PTPRM: variants seen among roughly 807,000 people sequenced by gnomAD.
PTPRM encodes protein tyrosine phosphatase receptor type M.
In PTPRM, 47 loss-of-function variants were observed where a neutral mutation model predicts 186.7. The observed-to-expected ratio is 0.25, with a 90% CI of 0.20 to 0.32. The LOEUF is 0.32. Among genes scored for constraint, PTPRM ranks in the 10% least tolerant of loss-of-function variants. The probability of loss-of-function intolerance (pLI) is 1.00; values close to 1 mark genes in which losing one functional copy is unlikely to be tolerated. For missense variants in PTPRM, 1,494 were observed against 1,865.0 expected, an observed-to-expected ratio of 0.80 and a Z score of 3.66; for synonymous variants, 668 against 674.9, an observed-to-expected ratio of 0.99 and a Z score of 0.16.
At chr18:8,012,858 T>C (rs972969350) in intron 7 of PTPRM, among the ~76,000 whole-genome samples, 2 of 152,180 alleles carry the variant, frequency 1.3e-5, no homozygotes, top group African/African-American at 2.4e-5. Context: ...AAATGAAGTG[T>C]ATTTTTTTTT....
chr18:8,141,706 C>T (rs921383369), intron 13 of PTPRM, among the ~76,000 whole-genome samples: 1 of 152,150 alleles, frequency 6.6e-6, no homozygotes, highest in Non-Finnish European at 1.5e-5. Context: ...CATACCTTAA[C>T]TCATCTATTT....
chr18:7,688,838 G>A lies in PTPRM; in HGVS notation c.74-85311G>A, dbSNP rs574225017. Among the ~76,000 whole-genome samples the A allele has an allele frequency of 5.4e-4, 82 of 152,182 alleles. 2 individuals carry two copies. The highest frequency in any genetic ancestry group is 1.4e-3 in the Admixed American group (22 of 15,270). ...GGAAGATTTATGAGACAGAGCTGCT[G>A]TCTGGATATCCCTTAGAAGGAGACA... On this transcript the variant is annotated intron_variant, in intron 1 of 32. Coordinates refer to ENST00000580170, the MANE Select transcript of PTPRM (RefSeq NM_001105244.2).
intron 3 of PTPRM, among the ~76,000 whole-genome samples, chr18:7,904,181 G>A (rs556329771): frequency 1.3e-5 from 2 of 152,214 alleles, no homozygotes; most frequent in Admixed American, 1.3e-4. Context: ...ACATGCAGTA[G>A]TAAGAAAAAA....
chr18:8,310,246 A>G (rs1282452999), intron 20 of PTPRM, among the ~76,000 whole-genome samples: 1 of 151,808 alleles, frequency 6.6e-6, no homozygotes, highest in Non-Finnish European at 1.5e-5. Context: ...TTGATCCCCT[A>G]GGACTCTTGC....
chr18:8,025,713 G>T (rs1443158586), intron 7 of PTPRM, among the ~76,000 whole-genome samples: 1 of 152,162 alleles, frequency 6.6e-6, no homozygotes, highest in Non-Finnish European at 1.5e-5. Context: ...AAAACCTGAG[G>T]TCAAAGATTT....
At chr18:8,087,848 C>T (rs1212687251) in intron 10 of PTPRM, among the ~76,000 whole-genome samples, 4 of 152,144 alleles carry the variant, frequency 2.6e-5, no homozygotes, top group Non-Finnish European at 5.9e-5. Flanking sequence ...TCAGGAGTCT[C>T]TACCAGTGGG....
chr18:8,138,838 C>T (rs930278166), intron 13 of PTPRM, among the ~76,000 whole-genome samples: 10 of 152,098 alleles, frequency 6.6e-5, no homozygotes, highest in African/African-American at 2.2e-4. Context: ...GTCATTTCTC[C>T]CATCTTAAGA....
chr18:7,844,626 A>C (rs568324024), intron 2 of PTPRM, among the ~76,000 whole-genome samples: 1 of 152,292 alleles, frequency 6.6e-6, no homozygotes, highest in South Asian at 2.1e-4. Context: ...TTACTTGACA[A>C]GGTCTCAGTC....
intron 1 of PTPRM, among the ~76,000 whole-genome samples, chr18:7,636,507 CTG>C (rs2038316254): frequency 6.6e-6 from 1 of 152,098 alleles, no homozygotes; most frequent in South Asian, 2.1e-4. Context: ...TTCAAAAATA[CTG>C]TGTGTCTCAG....
intron 13 of PTPRM, among the ~76,000 whole-genome samples, chr18:8,140,160 G>A (rs569841093): frequency 1.5e-4 from 23 of 152,206 alleles, no homozygotes; most frequent in East Asian, 5.8e-4. Flanking sequence ...AAAGCAGCCC[G>A]TGCTGTGGGC....
chr18:8,402,823 A>G (rs908959871), intron 32 of PTPRM: 14 of 152,266 alleles, frequency 9.2e-5, no homozygotes, highest in Non-Finnish European at 5.9e-5. Context: ...CAGGGCAAGA[A>G]ATAATTTTTT....
chr18:7,930,079 A>AT (rs1195629312), intron 5 of PTPRM, among the ~76,000 whole-genome samples: 2 of 151,956 alleles, frequency 1.3e-5, no homozygotes, highest in African/African-American at 4.8e-5. Context: ...CATTTACAAT[A>AT]TTTTTTTGAG....
chr18:7,775,907 CT>C (rs546925827), intron 2 of PTPRM, among the ~76,000 whole-genome samples: 2 of 152,208 alleles, frequency 1.3e-5, no homozygotes, highest in Admixed American at 1.3e-4. Context: ...TTGTCCTTTT[CT>C]TTTTTTCAAT....
At chr18:7,994,784 A>G (rs945920635) in intron 7 of PTPRM, among the ~76,000 whole-genome samples, 4 of 152,146 alleles carry the variant, frequency 2.6e-5, no homozygotes, top group East Asian at 3.8e-4. Flanking sequence ...ATGAAAATGG[A>G]AAGACAACAT....
intron 7 of PTPRM, among the ~76,000 whole-genome samples, chr18:8,025,925 G>C (rs1056453068): frequency 7.9e-5 from 12 of 152,212 alleles, no homozygotes; most frequent in Non-Finnish European, 1.5e-4. Flanking sequence ...ACCTGTGTCA[G>C]AGATTTTCCA....
At chr18:7,911,794 C>G (rs1176219571) in intron 4 of PTPRM, among the ~76,000 whole-genome samples, 1 of 145,914 alleles carries the variant, frequency 6.9e-6, no homozygotes, top group Non-Finnish European at 1.5e-5. Flanking sequence ...GCTAATAATT[C>G]TTCTAAGATC....
In PTPRM at chr18:7,576,994, CAATA is replaced by C. The variant is rs2036704674; in HGVS notation, c.73+9108_73+9111del. ...ACAATTTTAGCATGTAGTAGTCACTCAATAAATATTTGTTGAATGAATGAAGAAA... is the reference window on the plus strand; with the variant it reads ...ACAATTTTAGCATGTAGTAGTCACTCAATATTTGTTGAATGAATGAAGAAA... On this transcript the variant is annotated intron_variant, in intron 1 of 32. Coordinates refer to ENST00000580170, the MANE Select transcript of PTPRM (RefSeq NM_001105244.2). Among the ~76,000 whole-genome samples the C allele has an allele frequency of 2.0e-5, 3 of 152,140 alleles. No individual in the cohort carries two copies. The South Asian group carries it at 6.2e-4, about 32-fold the overall frequency.
chr18:7,567,916 C>G lies in PTPRM; in HGVS notation c.73+25C>G. On this transcript the variant is annotated intron_variant, in intron 1 of 32. Transcript: ENST00000580170. This position sits in a 1 kb window ranked among gnomAD's most constrained non-coding sequence, Gnocchi z 4.3. ...GGTAAGCGGGACCGCCTCTGCCGCC[C>G]CCGAGGCGCGCGGGCCGGCGCGGGA... is the stretch of plus-strand genomic sequence containing the variant. 6.5e-7 allele frequency: 1 copy of G among 1,535,932 alleles called. No individual in the cohort carries two copies. Among genetic ancestry groups the G allele is most frequent in the Non-Finnish European group, 8.7e-7 (1 of 1,150,676 alleles).
At chr18:8,227,091 T>A (rs1262438567) in intron 14 of PTPRM, among the ~76,000 whole-genome samples, 1 of 152,250 alleles carries the variant, frequency 6.6e-6, no homozygotes, top group Non-Finnish European at 1.5e-5. Flanking sequence ...AATTTCATTT[T>A]GCCAAGTAAT....
Sources: gnomAD v4.1 joint callset for allele counts (sites outside exome capture counted in the v4.1 genomes callset) on GRCh38, gnomAD v4.1.1 for gene constraint, Gnocchi (gnomAD v3.1) non-coding constraint, MANE v1.5 for transcripts, NCBI Gene and HGNC (gene_info 2026-07-23, HGNC 2026-07-21) for gene names.